GSDMC: variants seen among roughly 807,000 people sequenced by gnomAD.
GSDMC encodes the protein gasdermin C.
In GSDMC, 59 loss-of-function variants were observed where a neutral mutation model predicts 58.0. That is an observed-to-expected ratio of 1.02 (90% CI 0.82 to 1.26). The LOEUF (loss-of-function observed/expected upper bound fraction) is 1.26, where lower values mean the gene tolerates loss of function less well. GSDMC is among the 50% of genes most tolerant of loss of function. GSDMC has a pLI of 0.00. For missense variants in GSDMC, 659 were observed against 598.5 expected (o/e 1.10, Z -1.06); for synonymous variants, 241 against 220.2 (o/e 1.09, Z -0.83).
rs2033212355 is a variant in GSDMC at position 129,751,902 on chromosome 8, A to T, written c.887-11T>A. ...GAACTTGTTCGTATTCTAAAAAAAG[A>T]AATGAAATTCCTCACCAAAGAGGCT... On this transcript the variant is annotated splice_polypyrimidine_tract_variant and intron_variant, in intron 8 of 13. Coordinates refer to ENST00000276708, the MANE Select transcript of GSDMC (RefSeq NM_031415.3). 6.2e-7 allele frequency: 1 copy of T among 1,612,980 alleles called. No individual in the cohort carries two copies. The highest frequency in any genetic ancestry group is 2.2e-5 in the East Asian group (1 of 44,852).
chr8:129,714,253 G>A, the GSDMC span, among the ~76,000 whole-genome samples: 1 of 152,202 alleles, frequency 6.6e-6, no homozygotes. Flanking sequence ...TGCTGGGAGG[G>A]CCTAAACCTC....
chr8:129,741,259 T>C, the GSDMC span, among the ~76,000 whole-genome samples: 5 of 152,020 alleles, frequency 3.3e-5, no homozygotes, highest in East Asian at 7.7e-4. Flanking sequence ...TTATAATATA[T>C]TTTTAAAATC....
chr8:129,724,693 C>T, the GSDMC span, among the ~76,000 whole-genome samples: 2 of 151,842 alleles, frequency 1.3e-5, no homozygotes, highest in African/African-American at 4.8e-5. Context: ...AAAAATGATA[C>T]TTTTTAGCGA....
intron 9 of GSDMC, 73 bp downstream of exon 9, chr8:129,751,789 G>A: frequency 1.4e-6 from 2 of 1,465,104 alleles, no homozygotes; most frequent in East Asian, 2.3e-5. Context: ...GCGAGGCAGG[G>A]GCAATCTGCC....
At chr8:129,748,790 G>C in intron 13 of GSDMC, 50 bp from the exon 14 acceptor site, 1 of 1,443,292 alleles carries the variant, frequency 6.9e-7, no homozygotes, top group African/African-American at 1.5e-5. Context: ...AGATGAGGAA[G>C]AGAAGGCTTC....
chr8:129,752,688 A>C lies in GSDMC; in HGVS notation c.844+10T>G. Reference sequence around the variant, plus strand: ...CATAGAAGTAAAAATAAAGTGAGCAATCACAGTACCTGGTTTTAACTTCAT... The same window carrying C: ...CATAGAAGTAAAAATAAAGTGAGCACTCACAGTACCTGGTTTTAACTTCAT... On this transcript the variant is annotated intron_variant, in intron 7 of 13. Coordinates refer to ENST00000276708, the MANE Select transcript of GSDMC (RefSeq NM_031415.3). 1 of 1,614,078 alleles carries C rather than the reference A, an allele frequency of 6.2e-7. No individual in the cohort carries two copies. The highest frequency in any genetic ancestry group is 8.5e-7 in the Non-Finnish European group (1 of 1,179,976).
chr8:129,747,123 G>A (rs916999865), downstream of GSDMC, among the ~76,000 whole-genome samples: 2 of 151,894 alleles, frequency 1.3e-5, no homozygotes, highest in African/African-American at 4.8e-5. Context: ...CGAGTGTGGT[G>A]GTACATGCCT....
chr8:129,759,968 T>C (rs2033594274), intron 6 of GSDMC, among the ~76,000 whole-genome samples: 2 of 152,124 alleles, frequency 1.3e-5, no homozygotes, highest in South Asian at 4.1e-4. Flanking sequence ...TAAATGTCCA[T>C]CAACAGATGA....
At chr8:129,735,341 A>G in the GSDMC span, among the ~76,000 whole-genome samples, 1 of 152,198 alleles carries the variant, frequency 6.6e-6, no homozygotes, top group East Asian at 1.9e-4. Flanking sequence ...ACCCCAAATC[A>G]ACAGAATAGA....
At chr8:129,741,597 C>T in the GSDMC span, among the ~76,000 whole-genome samples, 317 of 152,062 alleles carry the variant, frequency 2.1e-3, 11 homozygotes, top group Admixed American at 0.019. Flanking sequence ...TCCCCTCACA[C>T]CTGTTAGAAT....
the GSDMC span, among the ~76,000 whole-genome samples, chr8:129,725,831 G>A: frequency 6.6e-6 from 1 of 152,066 alleles, no homozygotes; most frequent in East Asian, 1.9e-4. Flanking sequence ...GTTAGGGATC[G>A]GCCCAACTCC....
Position 129,750,088 on chromosome 8 carries a change from C to A in GSDMC, c.1115G>T (p.Gly372Val). 1 of 1,598,600 alleles carries A rather than the reference C, an allele frequency of 6.3e-7. No homozygotes were observed. Among genetic ancestry groups the A allele is most frequent in the South Asian group, 1.1e-5 (1 of 87,798 alleles). ...LELDSSGHLD[G>V]PGGAILKKLQ... ...TTTCTTTAGGATGGCACCACCAGGG[C>A]CATCCAAATGACCTGAGCTGTCCAA... The change falls in exon 12 of 14, where the codon GGC becomes GTC. Residue 372 changes from glycine (G) to valine (V), a missense_variant. Coordinates refer to ENST00000276708, the MANE Select transcript of GSDMC (RefSeq NM_031415.3).
chr8:129,725,769 G>A, the GSDMC span, among the ~76,000 whole-genome samples: 1 of 152,144 alleles, frequency 6.6e-6, no homozygotes, highest in African/African-American at 2.4e-5. Flanking sequence ...AATCCAATGC[G>A]CTGGGGAAAA....
intron 4 of GSDMC, among the ~76,000 whole-genome samples, chr8:129,764,453 C>A (rs2033786375): frequency 6.6e-6 from 1 of 152,166 alleles, no homozygotes; most frequent in South Asian, 2.1e-4. Flanking sequence ...GGGAAAGGGG[C>A]TCAATGTCCC....
At chr8:129,753,046 A>G (rs1443736172) in intron 6 of GSDMC, among the ~76,000 whole-genome samples, 1 of 152,216 alleles carries the variant, frequency 6.6e-6, no homozygotes, top group Non-Finnish European at 1.5e-5. Context: ...AGTCCTAGGT[A>G]AACTTAAAGG....
chr8:129,785,143 G>A (rs1239431717), intron 1 of GSDMC, among the ~76,000 whole-genome samples: 3 of 152,044 alleles, frequency 2.0e-5, no homozygotes, highest in South Asian at 2.1e-4. Context: ...CCCAGGAGGC[G>A]GAGGTTGCAG....
At chr8:129,738,809 A>T in the GSDMC span, among the ~76,000 whole-genome samples, 11 of 152,048 alleles carry the variant, frequency 7.2e-5, no homozygotes, top group East Asian at 1.9e-4. Flanking sequence ...TATAGTTTTT[A>T]AAAAAAAGAA....
chr8:129,770,161 A>G (rs1293296966), intron 3 of GSDMC, among the ~76,000 whole-genome samples: 2 of 152,262 alleles, frequency 1.3e-5, no homozygotes, highest in African/African-American at 4.8e-5. Context: ...GGGAAGAAGT[A>G]AAGCTATAAT....
the GSDMC span, among the ~76,000 whole-genome samples, chr8:129,717,250 C>CTTTTTTTTTTTTTTTTT: frequency 1.7e-5 from 2 of 114,686 alleles, no homozygotes; most frequent in African/African-American, 3.3e-5. Context: ...TGGTCCTGGG[C>CTTTTTTTTTTTTTTTTT]TTTTTTTTTT....
Sources: allele counts gnomAD v4.1 joint callset (sites outside exome capture counted in the v4.1 genomes callset), GRCh38; gene constraint gnomAD v4.1.1; transcripts MANE v1.5; gene names NCBI Gene and HGNC (gene_info 2026-07-23, HGNC 2026-07-21).